The following AFG2A variants were observed in gnomAD, a reference collection of about 807,000 sequenced individuals.
The protein encoded by AFG2A is AAA ATPase AFG2A, also known as ATPase family gene 2 protein homolog A.
the AFG2A span, among the ~76,000 whole-genome samples, chr4:123,299,239 A>G: frequency 6.6e-6 from 1 of 152,164 alleles, no homozygotes. Context: ...TGAAGTAATT[A>G]AGAATTTCTA....
At chr4:123,271,050 G>A in the AFG2A span, among the ~76,000 whole-genome samples, 3 of 152,164 alleles carry the variant, frequency 2.0e-5, no homozygotes, top group Non-Finnish European at 4.4e-5. Context: ...TTTCACTACT[G>A]ATGATGCCAT....
the AFG2A span, among the ~76,000 whole-genome samples, chr4:123,304,776 G>T: frequency 6.6e-6 from 1 of 152,164 alleles, no homozygotes; most frequent in African/African-American, 2.4e-5. Context: ...GCAGCAGCCA[G>T]GCTGCCGTGA....
the AFG2A span, among the ~76,000 whole-genome samples, chr4:123,015,822 ACCTC>A: frequency 2.3e-5 from 1 of 43,998 alleles, no homozygotes; most frequent in Non-Finnish European, 5.4e-5. Flanking sequence ...TGACCCCCCC[ACCTC>A]CCTCCCGGAT....
At chr4:123,145,304 C>T in the AFG2A span, among the ~76,000 whole-genome samples, 1 of 151,792 alleles carries the variant, frequency 6.6e-6, no homozygotes, top group Admixed American at 6.6e-5. Flanking sequence ...TGGACAGATA[C>T]ATCAGGGAAG....
At chr4:122,933,340 T>C in the AFG2A span, 784,326 of 906,282 alleles carry the variant, frequency 0.87, 346,262 homozygotes, top group East Asian at 0.95. Context: ...ATTCTTTTGA[T>C]TAAGTCTATA....
chr4:122,949,126 A>G, the AFG2A span, among the ~76,000 whole-genome samples: 6,254 of 152,242 alleles, frequency 0.041, 415 homozygotes, highest in African/African-American at 0.14. Flanking sequence ...AGTCATCAGG[A>G]ATACATACAC....
At chr4:123,255,987 TA>T in the AFG2A span, 4 of 1,612,826 alleles carry the variant, frequency 2.5e-6, no homozygotes, top group Non-Finnish European at 3.4e-6. Context: ...TGAGCCCAGT[TA>T]ATTCATGTTG....
the AFG2A span, among the ~76,000 whole-genome samples, chr4:123,077,108 C>T: frequency 5.5e-5 from 8 of 145,478 alleles, no homozygotes; most frequent in South Asian, 1.3e-3. Flanking sequence ...AGTGCAGTGG[C>T]GCGATCTCAG....
the AFG2A span, among the ~76,000 whole-genome samples, chr4:123,056,094 C>A: frequency 6.6e-6 from 1 of 152,288 alleles, no homozygotes; most frequent in Admixed American, 6.5e-5. Flanking sequence ...CCTAGCACCA[C>A]ATCTGATATA....
the AFG2A span, among the ~76,000 whole-genome samples, chr4:123,045,126 A>G: frequency 6.6e-6 from 1 of 151,792 alleles, no homozygotes; most frequent in Admixed American, 6.6e-5. Flanking sequence ...TTCTATATCT[A>G]TTTGTATTGA....
the AFG2A span, among the ~76,000 whole-genome samples, chr4:123,169,805 A>C: frequency 6.6e-6 from 1 of 152,100 alleles, no homozygotes; most frequent in Non-Finnish European, 1.5e-5. Context: ...TTAAAACCTA[A>C]ACCCTTTCCT....
the AFG2A span, among the ~76,000 whole-genome samples, chr4:123,066,091 C>T: frequency 6.6e-6 from 1 of 152,180 alleles, no homozygotes; most frequent in Non-Finnish European, 1.5e-5. Context: ...AATTGGTTTC[C>T]ACTTAAGAGT....
the AFG2A span, among the ~76,000 whole-genome samples, chr4:123,038,371 T>C: frequency 1.3e-5 from 2 of 152,092 alleles, no homozygotes; most frequent in African/African-American, 4.8e-5. Flanking sequence ...TTTTAAGAAA[T>C]TGATGTATGT....
chr4:123,167,344 TTTTG>T, the AFG2A span, among the ~76,000 whole-genome samples: 9 of 151,836 alleles, frequency 5.9e-5, no homozygotes, highest in African/African-American at 1.9e-4. Flanking sequence ...TGTTTCTTTT[TTTTG>T]TTTGTTTGTT....
the AFG2A span, among the ~76,000 whole-genome samples, chr4:123,088,049 A>G: frequency 6.6e-6 from 1 of 152,216 alleles, no homozygotes; most frequent in African/African-American, 2.4e-5. Context: ...ACTGTAGCAT[A>G]AAATCCAAAC....
the AFG2A span, chr4:123,028,145 T>A: frequency 6.4e-7 from 1 of 1,555,004 alleles, no homozygotes; most frequent in Non-Finnish European, 8.8e-7. Context: ...TCTCTGTTTG[T>A]CCTGGCAAAA....
chr4:122,951,930 G>T, the AFG2A span, among the ~76,000 whole-genome samples: 4 of 152,152 alleles, frequency 2.6e-5, no homozygotes, highest in African/African-American at 9.7e-5. Context: ...AGATGACAGG[G>T]CCAAGCACTG....
At chr4:123,005,269 G>T in the AFG2A span, among the ~76,000 whole-genome samples, 29 of 152,182 alleles carry the variant, frequency 1.9e-4, no homozygotes, top group African/African-American at 6.5e-4. Context: ...TCATGCCTCA[G>T]CCACTTGAGT....
the AFG2A span, among the ~76,000 whole-genome samples, chr4:123,104,482 G>A: frequency 1.8e-4 from 28 of 152,282 alleles, no homozygotes; most frequent in South Asian, 5.8e-3. Context: ...TAAAGGTAGA[G>A]TCTCACATCT....
Sources: allele counts gnomAD v4.1 joint callset (sites outside exome capture counted in the v4.1 genomes callset), GRCh38; gene constraint gnomAD v4.1.1; transcripts MANE v1.5; gene names NCBI Gene and HGNC (gene_info 2026-07-23, HGNC 2026-07-21).